Variants in PDE4B observed in about 807,000 individuals in gnomAD.
PDE4B encodes 3',5'-cyclic-AMP phosphodiesterase 4B.
PDE4B carries 20 observed loss-of-function variants against 82.2 expected under a neutral mutation model. That is an observed-to-expected ratio of 0.24 (90% CI 0.17 to 0.35). The LOEUF is 0.35. PDE4B is among the 10% of genes least tolerant of loss of function. PDE4B has a pLI of 1.00. For synonymous variants in PDE4B, 320 were observed against 318.9 expected (o/e 1.00, Z -0.04); for missense variants, 655 against 907.2 (o/e 0.72, Z 3.57).
At chr1:66,044,810 T>C (rs1399234540) in intron 3 of PDE4B, among the ~76,000 whole-genome samples, 5 of 151,710 alleles carry the variant, frequency 3.3e-5, no homozygotes, top group Non-Finnish European at 7.4e-5. Flanking sequence ...TATGTGATCA[T>C]TTTATGAGTA....
intron 3 of PDE4B, among the ~76,000 whole-genome samples, chr1:66,040,554 A>G (rs1013615953): frequency 1.3e-5 from 2 of 152,062 alleles, no homozygotes; most frequent in Non-Finnish European, 2.9e-5. Flanking sequence ...TTGCTTTATA[A>G]TAAGAAGAAT....
At chr1:66,095,215 A>T (rs1645091829) in intron 3 of PDE4B, among the ~76,000 whole-genome samples, 1 of 151,904 alleles carries the variant, frequency 6.6e-6, no homozygotes, top group Non-Finnish European at 1.5e-5. Flanking sequence ...GTCTTTTTTT[A>T]AATTCAATTA....
chr1:66,020,644 C>G (rs997953623), intron 3 of PDE4B, among the ~76,000 whole-genome samples: 1 of 152,192 alleles, frequency 6.6e-6, no homozygotes, highest in Non-Finnish European at 1.5e-5. Context: ...AGGAGATGAA[C>G]TCATCCTTTT....
At chr1:65,843,381 A>G (rs187683806) in intron 1 of PDE4B, among the ~76,000 whole-genome samples, 299 of 152,272 alleles carry the variant, frequency 2.0e-3, no homozygotes, top group African/African-American at 6.4e-3. Flanking sequence ...CTATATGGCA[A>G]ACTTTGCCCT....
At chr1:66,266,123 A>G in intron 7 of PDE4B, 36 bp downstream of exon 7, 1 of 1,470,876 alleles carries the variant, frequency 6.8e-7, no homozygotes, top group Non-Finnish European at 9.5e-7. Flanking sequence ...AGATGTTTCA[A>G]GATAGAATAA....
chr1:65,934,955 A>G (rs1648044156), intron 3 of PDE4B, among the ~76,000 whole-genome samples: 2 of 152,162 alleles, frequency 1.3e-5, no homozygotes. Flanking sequence ...AGTGGATAAA[A>G]CAACCAGACA....
intron 3 of PDE4B, among the ~76,000 whole-genome samples, chr1:66,185,353 C>A (rs188225110): frequency 1.9e-4 from 29 of 152,306 alleles, no homozygotes; most frequent in Non-Finnish European, 3.1e-4. Flanking sequence ...CGGGTATATA[C>A]CCAGTAATGG....
rs533083266 is a variant in PDE4B, at chr1:66,225,411, G to GT, written c.282-22044dup. Among the ~76,000 whole-genome samples the GT allele has an allele frequency of 3.2e-4, 49 of 152,148 alleles. No homozygotes were observed. The South Asian group carries it at 9.8e-3, about 30-fold the overall frequency. On this transcript the variant is annotated intron_variant, in intron 3 of 16. Coordinates refer to ENST00000341517, the MANE Select transcript of PDE4B (RefSeq NM_002600.4). ...CGATAATATTTCTAAGAATTCCTGC[G>GT]TTTTTGAAGTGAACTCAGATATTTT...
At chr1:66,011,761 A>C (rs1037314583) in intron 3 of PDE4B, among the ~76,000 whole-genome samples, 1 of 152,122 alleles carries the variant, frequency 6.6e-6, no homozygotes, top group African/African-American at 2.4e-5. Flanking sequence ...GCAGAGGGTG[A>C]CAAAATAATG....
chr1:66,179,562 A>C (rs1042658544), intron 3 of PDE4B, among the ~76,000 whole-genome samples: 2 of 152,200 alleles, frequency 1.3e-5, no homozygotes, highest in Non-Finnish European at 2.9e-5. Flanking sequence ...AAACTAACCT[A>C]TTTGTTCCTT....
chr1:66,083,927 A>G (rs1015680304), intron 3 of PDE4B, among the ~76,000 whole-genome samples: 2 of 152,160 alleles, frequency 1.3e-5, no homozygotes, highest in African/African-American at 4.8e-5. Flanking sequence ...TATATTAAGC[A>G]TGAACACTCC....
chr1:66,308,647 A>T (rs1168850951), intron 7 of PDE4B, among the ~76,000 whole-genome samples: 1 of 152,164 alleles, frequency 6.6e-6, no homozygotes, highest in Non-Finnish European at 1.5e-5. Context: ...CCACATTTGT[A>T]CTTATGAGAT....
Position 66,343,315 on chromosome 1 carries a change from A to G in PDE4B, c.747+10695A>G, listed in dbSNP as rs549335213. Among the ~76,000 whole-genome samples, 5 of 152,322 alleles carry G rather than the reference A, an allele frequency of 3.3e-5. No homozygotes were observed. The South Asian group carries it at 1.0e-3, about 32-fold the overall frequency. ...TATCATCACTTGAGAATAAAGAAAC[A>G]GAGGGATTTACCCTCCATCTTCATA... On this transcript the variant is annotated intron_variant, in intron 8 of 16. Transcript: ENST00000341517.
intron 1 of PDE4B, among the ~76,000 whole-genome samples, chr1:65,888,793 ATAT>A (rs904407051): frequency 2.0e-5 from 3 of 152,156 alleles, no homozygotes; most frequent in African/African-American, 7.2e-5. Context: ...TTGTATATTG[ATAT>A]TATATCATGA....
intron 3 of PDE4B, among the ~76,000 whole-genome samples, chr1:66,078,562 C>T (rs1388388975): frequency 6.6e-6 from 1 of 152,026 alleles, no homozygotes; most frequent in East Asian, 1.9e-4. Flanking sequence ...CTTATATACA[C>T]TTTCCCCTTT....
intron 1 of PDE4B, among the ~76,000 whole-genome samples, chr1:65,907,101 CT>C (rs1376962840): frequency 1.3e-5 from 2 of 152,024 alleles, no homozygotes; most frequent in Admixed American, 1.3e-4. Context: ...CTTTTTTCCC[CT>C]CAAATTTACT....
chr1:65,911,364 T>C (rs1475437841), intron 1 of PDE4B, among the ~76,000 whole-genome samples: 4 of 152,228 alleles, frequency 2.6e-5, no homozygotes, highest in Admixed American at 6.5e-5. Context: ...TATTCCATTA[T>C]TATCATTCTT....
intron 7 of PDE4B, among the ~76,000 whole-genome samples, chr1:66,318,589 G>A (rs149510095): frequency 0.011 from 1,660 of 152,214 alleles, 13 homozygotes; most frequent in Non-Finnish European, 0.014. Flanking sequence ...GAGTGTTCAC[G>A]TCCTGGCTAT....
At chr1:66,237,284 G>A (rs1001335030) in intron 3 of PDE4B, among the ~76,000 whole-genome samples, 1 of 152,166 alleles carries the variant, frequency 6.6e-6, no homozygotes, top group Non-Finnish European at 1.5e-5. Context: ...TAAGTGCTAT[G>A]TAGACCGGAG....
Sources: gnomAD v4.1 joint callset for allele counts (sites outside exome capture counted in the v4.1 genomes callset) on GRCh38, gnomAD v4.1.1 for gene constraint, MANE v1.5 for transcripts, NCBI Gene and HGNC (gene_info 2026-07-23, HGNC 2026-07-21) for gene names.